The following RNF123 variants were observed in gnomAD, a reference collection of about 807,000 sequenced individuals.
RNF123 encodes E3 ubiquitin-protein ligase RNF123.
Under a neutral mutation model 168.5 loss-of-function variants are expected in RNF123, and 86 were observed. The observed-to-expected ratio is 0.51, with a 90% CI of 0.43 to 0.61. The LOEUF (loss-of-function observed/expected upper bound fraction) is 0.61. Among genes scored for constraint, RNF123 ranks in the 20% least tolerant of loss-of-function variants. RNF123 has a pLI of 0.00. For synonymous variants in RNF123, 666 were observed against 689.1 expected (o/e 0.97, Z 0.52); for missense variants, 1,419 against 1,729.7 (o/e 0.82, Z 3.19).
At position 49,701,874 on chromosome 3, in the gene RNF123, G is replaced by C; in HGVS notation, c.1459G>C (p.Glu487Gln). 6.4e-7 allele frequency: 1 copy of C among 1,566,798 alleles called. No individual in the cohort carries two copies. The highest frequency in any genetic ancestry group is 1.2e-5 in the South Asian group (1 of 85,232). Reference sequence around the variant, plus strand: ...GGAGCGGCTGCGGCGGCGAGCCTACGAACGGGGCTGTCAGCGGCTCAGGAA... The same window carrying C: ...GGAGCGGCTGCGGCGGCGAGCCTACCAACGGGGCTGTCAGCGGCTCAGGAA... ...AEERLRRRAY[E>Q]RGCQRLRKRI... The change falls in exon 17 of 39, where the codon GAA (glutamate) becomes CAA (glutamine). Residue 487 changes from glutamate to glutamine, a missense_variant. Around this residue, in one of 5 missense-constraint regions of RNF123, gnomAD observed 349 missense variants for 344.9 expected, o/e 1.01. Coordinates refer to ENST00000327697, the MANE Select transcript of RNF123 (RefSeq NM_022064.5).
At chr3:49,710,327 T>A (rs1163752396) in intron 26 of RNF123, among the ~76,000 whole-genome samples, 1 of 152,260 alleles carries the variant, frequency 6.6e-6, no homozygotes, top group African/African-American at 2.4e-5. Flanking sequence ...TGGCACAGGC[T>A]GGAGTGCAGT....
intron 35 of RNF123, chr3:49,719,157 G>C (rs753729337): frequency 6.2e-7 from 1 of 1,613,532 alleles, no homozygotes; most frequent in South Asian, 1.1e-5. Flanking sequence ...TGACGAAGAC[G>C]CCGCGACCCA....
intron 15 of RNF123, 79 bp downstream of exon 15, chr3:49,700,788 T>G: frequency 6.7e-7 from 1 of 1,485,746 alleles, no homozygotes; most frequent in Admixed American, 1.7e-5. Flanking sequence ...GGGAGTGTCA[T>G]CAGGCCAGGG....
rs569155531 is a variant in RNF123 at position 49,703,519 on chromosome 3, A to T, written c.1843A>T (p.Thr615Ser). 1 of 1,613,640 alleles carries T rather than the reference A, an allele frequency of 6.2e-7. No individual in the cohort carries two copies. The highest frequency in any genetic ancestry group is 1.1e-5 in the South Asian group (1 of 91,016). The change falls in exon 21 of 39, where the codon ACC becomes TCC. Residue 615 changes from threonine to serine, a missense_variant. By Grantham distance (58) the Thr-to-Ser change is moderately conservative. Around this residue, in one of 5 missense-constraint regions of RNF123, gnomAD observed 538 missense variants for 708.8 expected, o/e 0.76. Coordinates refer to ENST00000327697, the MANE Select transcript of RNF123 (RefSeq NM_022064.5). ...GGGCCTCCTCTCGCACCTGCGGAAG[A>T]CCCTCAAAGGTGTGTACAGGCCTGT... Reference protein sequence around the residue: ...LGGLLSHLRKTLKDDLASKAN... With the variant: ...LGGLLSHLRKSLKDDLASKAN...
chr3:49,709,305 ATTTT>A (rs1051925055), intron 26 of RNF123, among the ~76,000 whole-genome samples: 1 of 78,470 alleles, frequency 1.3e-5, no homozygotes, highest in Non-Finnish European at 2.7e-5. Context: ...CTAATTTTGT[ATTTT>A]TTTTTTTTTG....
Position 49,703,440 on chromosome 3 carries a change from G to A in RNF123, c.1764G>A (p.Pro588=), listed in dbSNP as rs770695197. ...AATTCCTCGCAGAGGCCTACATCCCGCCCCAGGTCTTCTATAATGGCAAGG... is the reference window on the plus strand; with the variant it reads ...AATTCCTCGCAGAGGCCTACATCCCACCCCAGGTCTTCTATAATGGCAAGG... The part of the protein sequence containing the change: ...HASFSEEAYI[P]PQVFYNGKVD... Residue 588 remains proline (P), a synonymous_variant, in exon 21 of 39, where the codon CCG becomes CCA. Coordinates refer to ENST00000327697, the MANE Select transcript of RNF123 (RefSeq NM_022064.5). The A allele has an allele frequency of 1.4e-5, 22 of 1,613,890 alleles. No homozygotes were observed. Among genetic ancestry groups the A allele is most frequent in the African/African-American group, 5.3e-5 (4 of 74,914 alleles).
Position 49,699,240 on chromosome 3 carries a change from G to C in RNF123, c.764+135G>C. On this transcript the variant is annotated intron_variant, in intron 10 of 38. Transcript: ENST00000327697. The surrounding 1 kb of genome is among the most constrained non-coding windows in gnomAD (Gnocchi z 4.8). ...TGCAGAGTTAGTGGGGGGCCATGTA[G>C]AGTGTCGAAGAAAACTTTCCTCGCA... 7.8e-7 allele frequency: 1 copy of C among 1,277,282 alleles called. No individual in the cohort carries two copies. Among genetic ancestry groups the C allele is most frequent in the Non-Finnish European group, 1.1e-6 (1 of 934,680 alleles). The allele number at this position is 1,277,282 out of a possible 1,614,324, so 79.1% of individuals were successfully genotyped here. A position where few individuals can be genotyped will look rare whatever the true frequency, so the allele number is the denominator to read the frequency against.
intron 31 of RNF123, among the ~76,000 whole-genome samples, chr3:49,714,467 C>A (rs11710675): frequency 0.27 from 41,785 of 152,154 alleles, 6,005 homozygotes; most frequent in Non-Finnish European, 0.31. Flanking sequence ...TGTTCCTGGC[C>A]TGCTACAGCT....
At chr3:49,692,203 A>C (rs1343608971) in intron 3 of RNF123, among the ~76,000 whole-genome samples, 1 of 152,246 alleles carries the variant, frequency 6.6e-6, no homozygotes, top group African/African-American at 2.4e-5. Flanking sequence ...TGGCCTCTGC[A>C]TGCCACTGCA....
Position 49,719,583 on chromosome 3 carries a change from C to T in RNF123, c.3501-928C>T, listed in dbSNP as rs946603135. On this transcript the variant is annotated intron_variant, in intron 35 of 38. Transcript: ENST00000327697. Reference sequence around the variant, plus strand: ...CCGGATGGCCCTTGCCGAGGAGGCACGGCGGGTTCTTGCCAGCCGACGGCC... The same window carrying T: ...CCGGATGGCCCTTGCCGAGGAGGCATGGCGGGTTCTTGCCAGCCGACGGCC... The T allele has an allele frequency of 1.9e-5, 17 of 917,860 alleles. No individual in the cohort carries two copies. In the East Asian group the frequency reaches 2.4e-4, roughly 13 times the overall value. The allele number at this position is 917,860 out of a possible 1,614,324, so 56.9% of individuals were successfully genotyped here.
At chr3:49,716,919 C>T (rs1051274935) in intron 35 of RNF123, 2 of 162,422 alleles carry the variant, frequency 1.2e-5, no homozygotes, top group South Asian at 1.6e-4. Flanking sequence ...GCCCCCAGCT[C>T]GGCCCCCACA....
At chr3:49,702,849 G>A (rs2054433633) in intron 20 of RNF123, 96 bp downstream of exon 20, 1 of 1,564,064 alleles carries the variant, frequency 6.4e-7, no homozygotes, top group Admixed American at 1.7e-5. Flanking sequence ...TGAGGCTGTG[G>A]GCTGTGGGGA....
intron 21 of RNF123, 83 bp from the exon 22 acceptor site, chr3:49,704,566 TG>T: frequency 1.7e-6 from 2 of 1,185,200 alleles, no homozygotes; most frequent in South Asian, 1.3e-5. Context: ...CCCAGTGTGC[TG>T]GGCTCTCTCA....
At position 49,702,901 on chromosome 3, in the gene RNF123, C is replaced by T. The variant is rs546929028; in HGVS notation, c.1750+148C>T. 1.1e-5 allele frequency: 13 copies of T among 1,226,254 alleles called. No homozygotes were observed. In the South Asian group the frequency reaches 1.6e-4, roughly 15 times the overall value. 76.0% of individuals were successfully genotyped at this position (1,226,254 alleles called of 1,614,324 possible). Reference sequence around the variant, plus strand: ...TGCCTGGTTGAGTCCTACCCAGCCACAGGCGGCTTCTCCACTGGGGCAGCA... The same window carrying T: ...TGCCTGGTTGAGTCCTACCCAGCCATAGGCGGCTTCTCCACTGGGGCAGCA... On this transcript the variant is annotated intron_variant, in intron 20 of 38. Transcript: ENST00000327697.
At chr3:49,709,546 C>T (rs535213925) in intron 26 of RNF123, among the ~76,000 whole-genome samples, 96 of 152,132 alleles carry the variant, frequency 6.3e-4, no homozygotes, top group African/African-American at 2.0e-3. Flanking sequence ...GTGATCCACC[C>T]GCCTCGGCCT....
intron 35 of RNF123, chr3:49,718,470 C>T: frequency 6.2e-7 from 1 of 1,612,970 alleles, no homozygotes; most frequent in African/African-American, 1.3e-5. Context: ...TGCCGTCGGC[C>T]AGCACCGCGA....
rs1300439911 is a variant in RNF123, at chr3:49,706,038, G to C, written c.2361G>C (p.Glu787Asp). The change falls in exon 25 of 39, where the codon GAG becomes GAC. Residue 787 changes from glutamate (E) to aspartate (D), a missense_variant. Glu to Asp is a conservative substitution (Grantham distance 45). Transcript: ENST00000327697. Reference protein sequence around the residue: ...NEYAMALRDTEDKLRRCPKRR... With the variant: ...NEYAMALRDTDDKLRRCPKRR... ...ACGCTATGGCTCTGAGGGACACAGA[G>C]GACAAGCTCCGCCGGTGCCCCAAGA... The C allele has an allele frequency of 6.2e-7, 1 of 1,614,184 alleles. No individual in the cohort carries two copies. Among genetic ancestry groups the C allele is most frequent in the East Asian group, 2.2e-5 (1 of 44,892 alleles).
At position 49,705,603 on chromosome 3, in the gene RNF123, C is replaced by T; in HGVS notation, c.2228C>T (p.Thr743Ile). 1 of 1,613,704 alleles carries T rather than the reference C, an allele frequency of 6.2e-7. No individual in the cohort carries two copies. The highest frequency in any genetic ancestry group is 8.5e-7 in the Non-Finnish European group (1 of 1,179,846). The change falls in exon 24 of 39, where the codon ACC becomes ATC. Residue 743 changes from threonine (T) to isoleucine (I), a missense_variant. Thr to Ile is a moderately conservative substitution (Grantham distance 89). Coordinates refer to ENST00000327697, the MANE Select transcript of RNF123 (RefSeq NM_022064.5). ...RPPEEPEQPL[T>I]ENSLLEVLDG... is the part of the protein sequence containing the mutation. ...CCCGAGGAGCCTGAGCAGCCCCTCACCGAGAACTCGCTGCTGGAAGTCCTG... is the reference window on the plus strand; with the variant it reads ...CCCGAGGAGCCTGAGCAGCCCCTCATCGAGAACTCGCTGCTGGAAGTCCTG...
At chr3:49,711,250 A>G (rs1468796016) in intron 26 of RNF123, among the ~76,000 whole-genome samples, 1 of 152,206 alleles carries the variant, frequency 6.6e-6, no homozygotes, top group East Asian at 1.9e-4. Context: ...TCCAGGTTAC[A>G]GTGAGCTGTG....
Sources: allele counts gnomAD v4.1 joint callset (sites outside exome capture counted in the v4.1 genomes callset), GRCh38; gene constraint gnomAD v4.1.1; regional missense constraint gnomAD v4.1.1; non-coding constraint Gnocchi (gnomAD v3.1); transcripts MANE v1.5; gene names NCBI Gene and HGNC (gene_info 2026-07-23, HGNC 2026-07-21).